Variants in SMARCA4 observed in about 807,000 individuals in gnomAD.
SMARCA4 encodes the protein SWI/SNF-related matrix-associated actin-dependent regulator of chromatin subfamily A member 4.
SMARCA4 carries 31 observed loss-of-function variants against 193.9 expected under a neutral mutation model. The ratio of observed to expected loss-of-function variants is 0.16; its 90% CI spans 0.12 to 0.22. The LOEUF (loss-of-function observed/expected upper bound fraction) is 0.22, where lower values mean the gene tolerates loss of function less well. Among genes scored for constraint, SMARCA4 ranks in the 10% least tolerant of loss-of-function variants. The pLI is 1.00. For synonymous variants in SMARCA4, 942 were observed against 933.1 expected, an observed-to-expected ratio of 1.01 and a Z score of -0.17; for missense variants, 1,148 against 2,296.0, an observed-to-expected ratio of 0.50 and a Z score of 10.22.
rs1060504447 is a variant in SMARCA4, at chr19:10,986,535, T to C, written c.702T>C (p.Pro234=). The C allele has an allele frequency of 7.1e-6, 11 of 1,541,332 alleles. No homozygotes were observed. The highest frequency in any genetic ancestry group is 9.6e-6 in the Non-Finnish European group (11 of 1,146,566). The stretch of plus-strand genomic sequence containing the variant: ...CCGCAACAGGACCCGGCCCTGGCCC[T>C]GGCCCTGGCCCCGGCCCGGGTCCCG... ...SVSATGPGPG[P]GPGPGPGPGP... Residue 234 remains proline (P), a synonymous_variant, in exon 4 of 35, where the codon CCT becomes CCC. Coordinates refer to ENST00000344626, the MANE Select transcript of SMARCA4 (RefSeq NM_003072.5). This position sits in a 1 kb window ranked among gnomAD's most constrained non-coding sequence, Gnocchi z 6.7.
chr19:10,984,450 T>G lies in SMARCA4; in HGVS notation c.222+77T>G, dbSNP rs1407484314. 3.9e-6 allele frequency: 6 copies of G among 1,548,358 alleles called. No homozygotes were observed. The highest frequency in any genetic ancestry group is 1.4e-5 in the African/African-American group (1 of 72,994). On this transcript the variant is annotated intron_variant, in intron 2 of 34. Transcript: ENST00000344626. This position sits in a 1 kb window ranked among gnomAD's most constrained non-coding sequence, Gnocchi z 4.3. ...GCAGGCAGCCTCTGGACCGAGGGCC[T>G]TACTTGGAGGATGGGGGGAAGCCTT...
chr19:11,010,330 G>T, intron 14 of SMARCA4, 51 bp from the exon 15 acceptor site: 1 of 1,604,090 alleles, frequency 6.2e-7, no homozygotes, highest in Non-Finnish European at 8.5e-7. Context: ...CCAGCACATT[G>T]TCACAGATAG....
intron 8 of SMARCA4, among the ~76,000 whole-genome samples, chr19:10,994,158 G>T (rs2086801205): frequency 6.6e-6 from 1 of 151,778 alleles, no homozygotes; most frequent in Non-Finnish European, 1.5e-5. Context: ...CCCTGCTTTG[G>T]CCTCCTGAGT....
chr19:11,007,239 G>A (rs546571602), intron 13 of SMARCA4, among the ~76,000 whole-genome samples: 8 of 152,244 alleles, frequency 5.3e-5, no homozygotes, highest in Admixed American at 2.6e-4. Context: ...AGACCAGCCT[G>A]GCCAACATAG....
intron 33 of SMARCA4, 44 bp from the exon 34 acceptor site, chr19:11,060,001 A>C (rs117490455): frequency 1.2e-6 from 2 of 1,604,962 alleles, no homozygotes; most frequent in Non-Finnish European, 1.7e-6. Flanking sequence ...GGGGTGCTGC[A>C]TTCCCAGAGC....
In SMARCA4 at chr19:11,003,086, A is replaced by G; in HGVS notation, c.1870A>G (p.Ser624Gly). 6.2e-7 allele frequency: 1 copy of G among 1,614,000 alleles called. No homozygotes were observed. The highest frequency in any genetic ancestry group is 8.5e-7 in the Non-Finnish European group (1 of 1,179,960). ...DLPVKVIHVESGKILTGTDAP... is the reference protein window; with the variant it reads ...DLPVKVIHVEGGKILTGTDAP... Reference sequence around the variant, plus strand: ...CCCGGTGAAGGTGATCCACGTGGAGAGTGGGAAGATCCTCACAGGCACAGA... The same window carrying G: ...CCCGGTGAAGGTGATCCACGTGGAGGGTGGGAAGATCCTCACAGGCACAGA... The change falls in exon 12 of 35, where the codon AGT (serine) becomes GGT (glycine). Residue 624 changes from serine (S) to glycine (G), a missense_variant. Transcript: ENST00000344626.
chr19:11,029,991 C>G (rs117228547), intron 24 of SMARCA4, among the ~76,000 whole-genome samples: 1 of 152,116 alleles, frequency 6.6e-6, no homozygotes, highest in Non-Finnish European at 1.5e-5. Flanking sequence ...GTTTTTATTT[C>G]ATCACCAAAA....
chr19:11,008,074 G>A (rs533408394), intron 14 of SMARCA4, 51 bp downstream of exon 14: 14 of 1,587,382 alleles, frequency 8.8e-6, no homozygotes, highest in South Asian at 5.7e-5. Flanking sequence ...GTGAGGTGGC[G>A]CTGGTGGGAG....
At chr19:11,036,934 AAC>A in intron 29 of SMARCA4, among the ~76,000 whole-genome samples, 2 of 152,218 alleles carry the variant, frequency 1.3e-5, no homozygotes, top group Non-Finnish European at 2.9e-5. Context: ...CACGCAATGT[AAC>A]ATGCTGACCC....
intron 30 of SMARCA4, among the ~76,000 whole-genome samples, chr19:11,046,113 C>T (rs1882949747): frequency 1.3e-5 from 2 of 151,844 alleles, no homozygotes; most frequent in African/African-American, 4.8e-5. Flanking sequence ...GTCCCAGATA[C>T]TCGAGAGGCT....
At position 11,041,190 on chromosome 19, in the gene SMARCA4, G is replaced by T; in HGVS notation, c.4171-117G>T. The T allele has an allele frequency of 9.2e-7, 1 of 1,089,124 alleles. No individual in the cohort carries two copies. Among genetic ancestry groups the T allele is most frequent in the Non-Finnish European group, 1.3e-6 (1 of 752,248 alleles). The allele number at this position is 1,089,124 out of a possible 1,614,324, so 67.5% of individuals were successfully genotyped here. On this transcript the variant is annotated intron_variant, in intron 29 of 34. Transcript: ENST00000344626. The surrounding 1 kb of genome is among the most constrained non-coding windows in gnomAD (Gnocchi z 5.6). ...TGCCCCGAGCCAGTCAAGCTGAAGG[G>T]AGAGCGGGTGCGGGGGCCCTCCTCC... is the stretch of plus-strand genomic sequence containing the variant.
chr19:11,008,223 G>C, intron 14 of SMARCA4, 200 bp downstream of exon 14: 1 of 559,020 alleles, frequency 1.8e-6, no homozygotes, highest in Non-Finnish European at 3.4e-6. Flanking sequence ...GCATTCGCAT[G>C]GTTCACCATA....
At chr19:11,023,469 G>A (rs375767615) in intron 19 of SMARCA4, 49 bp from the exon 20 acceptor site, 30 of 1,199,056 alleles carry the variant, frequency 2.5e-5, no homozygotes, top group Middle Eastern at 1.9e-4. Flanking sequence ...GACCTCTGTC[G>A]CCCTCCTTTG....
chr19:10,970,350 A>G (rs1342489724), intron 1 of SMARCA4, among the ~76,000 whole-genome samples: 1 of 152,218 alleles, frequency 6.6e-6, no homozygotes, highest in African/African-American at 2.4e-5. Flanking sequence ...TTCCCAATTT[A>G]TAGGTGGCTG....
At chr19:11,007,772 A>C (rs1048890407) in intron 13 of SMARCA4, 130 bp from the exon 14 acceptor site, 2 of 835,506 alleles carry the variant, frequency 2.4e-6, no homozygotes, top group African/African-American at 3.4e-5. Context: ...AACAGCACAC[A>C]TTCCAGGATA....
rs66470841 is a variant in SMARCA4 at position 10,983,915 on chromosome 19, C to T, written c.-31-206C>T. On this transcript the variant is annotated intron_variant, in intron 1 of 34. Transcript: ENST00000344626. Reference sequence around the variant, plus strand: ...GTCTGTGAGCGTGGCCCACCCCTTCCTGGGTAGACTGACTGATCTTGTGTG... The same window carrying T: ...GTCTGTGAGCGTGGCCCACCCCTTCTTGGGTAGACTGACTGATCTTGTGTG... 0.013 allele frequency among the ~76,000 whole-genome samples: 2,013 copies of T among 152,228 alleles called. 48 individuals are homozygous for T. Among genetic ancestry groups the T allele is most frequent in the African/African-American group, 0.045 (1,887 of 41,528 alleles).
intron 13 of SMARCA4, among the ~76,000 whole-genome samples, chr19:11,006,512 AG>A (rs2088216820): frequency 6.6e-6 from 1 of 152,148 alleles, no homozygotes; most frequent in South Asian, 2.1e-4. Flanking sequence ...GCATTTTGGG[AG>A]GGCAAGTTGG....
chr19:11,017,668 C>A (rs1009385907), intron 16 of SMARCA4, among the ~76,000 whole-genome samples: 1 of 152,268 alleles, frequency 6.6e-6, no homozygotes, highest in Non-Finnish European at 1.5e-5. Flanking sequence ...GCTCCGCACA[C>A]CTCCGGCTTC....
At chr19:11,061,204 A>AAAT (rs1555797070) in intron 34 of SMARCA4, among the ~76,000 whole-genome samples, 14 of 45,220 alleles carry the variant, frequency 3.1e-4, no homozygotes, top group South Asian at 6.5e-4. Flanking sequence ...AAAAAAAAAA[A>AAAT]ATATATATAT....
Sources: allele counts gnomAD v4.1 joint callset (sites outside exome capture counted in the v4.1 genomes callset), GRCh38; gene constraint gnomAD v4.1.1; non-coding constraint Gnocchi (gnomAD v3.1); transcripts MANE v1.5; gene names NCBI Gene and HGNC (gene_info 2026-07-23, HGNC 2026-07-21).